Variants in MYBPC2 observed in about 807,000 individuals in gnomAD.
The protein encoded by MYBPC2 is myosin binding protein C2.
MYBPC2 carries 122 observed loss-of-function variants against 137.0 expected under a neutral mutation model. The ratio of observed to expected loss-of-function variants is 0.89; its 90% CI spans 0.77 to 1.03. The LOEUF (loss-of-function observed/expected upper bound fraction) is 1.03, where lower values mean the gene tolerates loss of function less well. Among genes scored for constraint, MYBPC2 ranks in the 50% least tolerant of loss-of-function variants. The pLI is 0.00. For synonymous variants in MYBPC2, 626 were observed against 612.3 expected (o/e 1.02, Z -0.33); for missense variants, 1,500 against 1,534.4 (o/e 0.98, Z 0.37).
chr19:50,446,512 T>TAAAACA (rs998688068), intron 12 of MYBPC2, among the ~76,000 whole-genome samples: 8 of 125,942 alleles, frequency 6.4e-5, no homozygotes, highest in African/African-American at 1.2e-4. Context: ...GACTCTGTCT[T>TAAAACA]AAAACAAAAA....
At chr19:50,451,053 A>G in intron 14 of MYBPC2, 118 bp downstream of exon 14, 1 of 1,063,890 alleles carries the variant, frequency 9.4e-7, no homozygotes, top group Non-Finnish European at 1.4e-6. Flanking sequence ...GACGACAGCA[A>G]GCGTCTGTCC....
intron 1 of MYBPC2, among the ~76,000 whole-genome samples, chr19:50,433,649 C>G (rs901148476): frequency 1.6e-4 from 25 of 152,112 alleles, no homozygotes; most frequent in African/African-American, 6.0e-4. Flanking sequence ...CCCGCCTCAG[C>G]CTCCCAAAGT....
Position 50,458,686 on chromosome 19 carries a change from G to A in MYBPC2, c.2438G>A (p.Gly813Glu). Residue 813 changes from glycine to glutamate, a missense_variant, in exon 21 of 28, where the codon GGG becomes GAG. Coordinates refer to ENST00000357701, the MANE Select transcript of MYBPC2 (RefSeq NM_004533.4). ...GCCAGAATCCTCTTCCGAGTAGTTG[G>A]GGTCAACATCGCGGGGCGCAGCGAG... ...TGARILFRVV[G>E]VNIAGRSEPA... 6.2e-7 allele frequency: 1 copy of A among 1,611,848 alleles called. No homozygotes were observed. The highest frequency in any genetic ancestry group is 1.1e-5 in the South Asian group (1 of 91,082).
At chr19:50,436,577 G>T (rs777532944) in intron 4 of MYBPC2, 40 bp from the exon 5 acceptor site, 7 of 1,553,060 alleles carry the variant, frequency 4.5e-6, no homozygotes, top group Non-Finnish European at 5.3e-6. Context: ...TGGCTCTAGA[G>T]GGTGGTCCCG....
chr19:50,442,825 T>G (rs2039768544), intron 9 of MYBPC2, among the ~76,000 whole-genome samples: 1 of 151,936 alleles, frequency 6.6e-6, no homozygotes, highest in Non-Finnish European at 1.5e-5. Flanking sequence ...TTGCCCAGGC[T>G]GGAGTGCAAT....
intron 16 of MYBPC2, 64 bp from the exon 17 acceptor site, chr19:50,453,956 G>A: frequency 6.6e-7 from 1 of 1,512,086 alleles, no homozygotes; most frequent in Non-Finnish European, 8.9e-7. Flanking sequence ...GGGAATGGCA[G>A]AGGCAGGCCT....
rs2039978699 is a variant in MYBPC2 at position 50,462,173 on chromosome 19, T to A, written c.3228+137T>A. The A allele has an allele frequency of 2.3e-5, 30 of 1,312,674 alleles. No individual in the cohort carries two copies. The South Asian group carries it at 4.7e-4, about 21-fold the overall frequency. 81.3% of individuals were successfully genotyped at this position (1,312,674 alleles called of 1,614,324 possible). A position where few individuals can be genotyped will look rare whatever the true frequency, so the allele number is the denominator to read the frequency against. On this transcript the variant is annotated intron_variant, in intron 26 of 27. Coordinates refer to ENST00000357701, the MANE Select transcript of MYBPC2 (RefSeq NM_004533.4). ...AAGGGATTTAGTCACTTAAAAAATT[T>A]TTTTAATTGATTTTTGATTTTTTTT...
intron 18 of MYBPC2, 86 bp from the exon 19 acceptor site, chr19:50,455,022 C>T: frequency 1.5e-6 from 2 of 1,318,474 alleles, no homozygotes; most frequent in South Asian, 1.4e-5. Context: ...GCCATGCGAT[C>T]CTCTGGATGT....
At chr19:50,442,118 T>G in intron 8 of MYBPC2, 63 bp from the exon 9 acceptor site, 1 of 1,536,380 alleles carries the variant, frequency 6.5e-7, no homozygotes, top group African/African-American at 1.4e-5. Flanking sequence ...GTGGTGCCTC[T>G]GGGGATGACC....
intron 7 of MYBPC2, among the ~76,000 whole-genome samples, chr19:50,438,289 A>C (rs545123564): frequency 6.6e-6 from 1 of 152,304 alleles, no homozygotes; most frequent in South Asian, 2.1e-4. Context: ...TGGATGGATA[A>C]CGGGTGAATG....
At chr19:50,446,137 A>ACAACTTCCAGACTGG in intron 12 of MYBPC2, 85 bp downstream of exon 12, 1 of 1,457,996 alleles carries the variant, frequency 6.9e-7, no homozygotes, top group Non-Finnish European at 9.2e-7. Context: ...CCAGTCTGGA[A>ACAACTTCCAGACTGG]GTTGTTCCTG....
intron 7 of MYBPC2, among the ~76,000 whole-genome samples, chr19:50,438,991 A>G (rs187031852): frequency 3.9e-5 from 6 of 152,202 alleles, no homozygotes; most frequent in African/African-American, 9.6e-5. Context: ...TTACTGATCA[A>G]TTCTGTCTGC....
At chr19:50,443,872 T>C (rs1205306823) in intron 11 of MYBPC2, 56 bp downstream of exon 11, 4 of 1,515,158 alleles carry the variant, frequency 2.6e-6, no homozygotes, top group Non-Finnish European at 3.6e-6. Context: ...TCTTTGCCTC[T>C]GCCTTGATCT....
rs570938619 is a variant in MYBPC2 at position 50,452,128 on chromosome 19, A to C, written c.1749+125A>C. 3 of 1,090,626 alleles carry C rather than the reference A, an allele frequency of 2.8e-6. No individual in the cohort carries two copies. The African/African-American group carries it at 4.7e-5, about 17-fold the overall frequency. The allele number at this position is 1,090,626 out of a possible 1,614,324, so 67.6% of individuals were successfully genotyped here. On this transcript the variant is annotated intron_variant, in intron 16 of 27. Transcript: ENST00000357701. ...GTTCCTTCTTCACAGGGTTGTTTTGAAGATTAGAGATTATGTTTGTCCATC... is the reference window on the plus strand; with the variant it reads ...GTTCCTTCTTCACAGGGTTGTTTTGCAGATTAGAGATTATGTTTGTCCATC...
rs58480196 is a variant in MYBPC2, at chr19:50,444,910, A to T, written c.1134-970A>T. Among the ~76,000 whole-genome samples the T allele has an allele frequency of 1.7e-4, 26 of 150,932 alleles. 1 individual carries two copies. The South Asian group carries it at 5.4e-3, about 32-fold the overall frequency. ...AAAAAAAAAAAAAAAAAAAATGTCAACATGGTACCTGCCTTCATGGCATTT... is the reference window on the plus strand; with the variant it reads ...AAAAAAAAAAAAAAAAAAAATGTCATCATGGTACCTGCCTTCATGGCATTT... On this transcript the variant is annotated intron_variant, in intron 11 of 27. Transcript: ENST00000357701.
intron 5 of MYBPC2, among the ~76,000 whole-genome samples, chr19:50,437,146 G>A (rs988659865): frequency 6.6e-6 from 1 of 152,054 alleles, no homozygotes; most frequent in Non-Finnish European, 1.5e-5. Flanking sequence ...GGGTGTATGG[G>A]CTCTGGGGGT....
intron 26 of MYBPC2, 85 bp from the exon 27 acceptor site, chr19:50,464,261 C>T: frequency 7.8e-7 from 1 of 1,280,674 alleles, no homozygotes; most frequent in Non-Finnish European, 1.1e-6. Flanking sequence ...AGCCTAGAAC[C>T]CAGATCGGCT....
intron 9 of MYBPC2, 101 bp from the exon 10 acceptor site, chr19:50,443,393 G>T: frequency 7.5e-7 from 1 of 1,339,402 alleles, no homozygotes; most frequent in South Asian, 1.5e-5. Flanking sequence ...TTGGCTCTGA[G>T]AGAGAGAGAG....
intron 26 of MYBPC2, 43 bp from the exon 27 acceptor site, chr19:50,464,303 G>A: frequency 6.5e-7 from 1 of 1,536,614 alleles, no homozygotes; most frequent in South Asian, 1.2e-5. Context: ...CATTGCCCAG[G>A]GTCTCTCTCT....
Sources: allele counts gnomAD v4.1 joint callset (sites outside exome capture counted in the v4.1 genomes callset), GRCh38; gene constraint gnomAD v4.1.1; transcripts MANE v1.5; gene names NCBI Gene and HGNC (gene_info 2026-07-23, HGNC 2026-07-21).